The following MRAP2 variants were observed in gnomAD, a reference collection of about 807,000 sequenced individuals.
MRAP2 encodes the protein melanocortin-2 receptor accessory protein 2.
Under a neutral mutation model 17.4 loss-of-function variants are expected in MRAP2, and 20 were observed. The observed-to-expected ratio is 1.15, with a 90% CI of 0.81 to 1.67. MRAP2 has a LOEUF of 1.67. MRAP2 is among the 40% of genes most tolerant of loss of function. The pLI is 0.00. For missense variants in MRAP2, 238 were observed against 240.0 expected, an observed-to-expected ratio of 0.99 and a Z score of 0.05; for synonymous variants, 96 against 88.4, an observed-to-expected ratio of 1.09 and a Z score of -0.48.
the MRAP2 span, among the ~76,000 whole-genome samples, chr6:84,132,430 A>C: frequency 3.3e-5 from 5 of 152,128 alleles, no homozygotes; most frequent in Non-Finnish European, 4.4e-5. Context: ...TAATATCCTG[A>C]AGAGTGTTTT....
intron 1 of MRAP2, among the ~76,000 whole-genome samples, chr6:84,051,808 A>G (rs1440985502): frequency 6.6e-6 from 1 of 152,174 alleles, no homozygotes; most frequent in African/African-American, 2.4e-5. Context: ...GATAGTCCAA[A>G]GAAGGGATGA....
At chr6:84,085,990 G>C (rs1191752545) in intron 3 of MRAP2, among the ~76,000 whole-genome samples, 3 of 152,156 alleles carry the variant, frequency 2.0e-5, no homozygotes, top group Admixed American at 2.0e-4. Flanking sequence ...GAGCTCAAAG[G>C]GCTCAAGGTG....
chr6:84,131,305 G>A, the MRAP2 span, among the ~76,000 whole-genome samples: 1 of 151,856 alleles, frequency 6.6e-6, no homozygotes, highest in Non-Finnish European at 1.5e-5. Context: ...TAAGTGTGAT[G>A]TGCTGAGAAG....
the MRAP2 span, among the ~76,000 whole-genome samples, chr6:84,103,853 C>G: frequency 6.6e-6 from 1 of 152,182 alleles, no homozygotes; most frequent in East Asian, 1.9e-4. Context: ...CTTGGTCAGG[C>G]TCCTGCTGTG....
In MRAP2 at chr6:84,064,318, C is replaced by T. The variant is rs547776740; in HGVS notation, c.227+1326C>T. Among the ~76,000 whole-genome samples, 4 of 152,070 alleles carry T rather than the reference C, an allele frequency of 2.6e-5. No homozygotes were observed. In the South Asian group the frequency reaches 8.3e-4, roughly 32 times the overall value. ...TTAAGACCAAGACCTCAGTCTTCTC[C>T]CTCCTTCCCATTTCTCACCATTGCT... On this transcript the variant is annotated intron_variant, in intron 3 of 3. Transcript: ENST00000257776.
At chr6:84,046,780 CAAAAAAAAAAAAA>C (rs756963425) in intron 1 of MRAP2, among the ~76,000 whole-genome samples, 1 of 23,150 alleles carries the variant, frequency 4.3e-5, no homozygotes, top group Non-Finnish European at 8.8e-5. Context: ...AACTCCATCT[CAAAAAAAAAAAAA>C]AAAAAAAAAA....
the MRAP2 span, among the ~76,000 whole-genome samples, chr6:84,135,677 AC>A: frequency 6.6e-6 from 1 of 152,320 alleles, no homozygotes; most frequent in East Asian, 1.9e-4. Flanking sequence ...AGCCTGGCCG[AC>A]ATGGTGAAAC....
chr6:84,089,187 C>T lies in MRAP2; in HGVS notation c.324C>T (p.Gly108=), dbSNP rs2099501212. 6.2e-7 allele frequency: 1 copy of T among 1,614,186 alleles called. No homozygotes were observed. Among genetic ancestry groups the T allele is most frequent in the Non-Finnish European group, 8.5e-7 (1 of 1,180,034 alleles). Residue 108 remains glycine (G), a synonymous_variant, in exon 4 of 4, where the codon GGC becomes GGT. Transcript: ENST00000257776. The part of the protein sequence containing the change: ...LEPDKVFSRQ[G]NEESRSLFHC... ...CAGATAAAGTATTTTCTCGCCAAGG[C>T]AACGAGGAGTCCAGGTCTCTCTTTC... is the stretch of plus-strand genomic sequence containing the variant.
At chr6:84,042,670 C>T (rs1224723055) in intron 1 of MRAP2, among the ~76,000 whole-genome samples, 1 of 152,170 alleles carries the variant, frequency 6.6e-6, no homozygotes, top group Admixed American at 6.5e-5. Flanking sequence ...GATGAGGAGG[C>T]TATGGGGTGC....
the MRAP2 span, among the ~76,000 whole-genome samples, chr6:84,096,084 C>T: frequency 6.6e-6 from 1 of 152,190 alleles, no homozygotes; most frequent in African/African-American, 2.4e-5. Context: ...TCCACCTGTT[C>T]TCTATGGAGT....
chr6:84,037,063 G>A (rs994751098), intron 1 of MRAP2, among the ~76,000 whole-genome samples: 3 of 151,990 alleles, frequency 2.0e-5, no homozygotes, highest in African/African-American at 4.8e-5. Context: ...GCTGATTGGT[G>A]TATTTACAAT....
intron 1 of MRAP2, among the ~76,000 whole-genome samples, chr6:84,054,980 C>T (rs1435198153): frequency 1.3e-5 from 2 of 152,080 alleles, no homozygotes; most frequent in African/African-American, 4.8e-5. Flanking sequence ...GCTGTAAGCT[C>T]AGAGATTTTG....
At chr6:84,130,388 G>A in the MRAP2 span, among the ~76,000 whole-genome samples, 2 of 152,136 alleles carry the variant, frequency 1.3e-5, no homozygotes, top group Admixed American at 1.3e-4. Flanking sequence ...AGTTAGGGAG[G>A]AGTCCCTCTT....
chr6:84,135,403 A>T, the MRAP2 span, among the ~76,000 whole-genome samples: 5 of 152,218 alleles, frequency 3.3e-5, no homozygotes, highest in Admixed American at 6.5e-5. Context: ...TGCTGGCAGG[A>T]GGTGGCTCAG....
At chr6:84,056,382 C>T (rs559680044) in intron 2 of MRAP2, among the ~76,000 whole-genome samples, 9 of 152,312 alleles carry the variant, frequency 5.9e-5, no homozygotes, top group African/African-American at 2.2e-4. Flanking sequence ...CAACTTGGTG[C>T]TCTTTTGCAA....
At chr6:84,137,747 T>C in the MRAP2 span, among the ~76,000 whole-genome samples, 3 of 152,086 alleles carry the variant, frequency 2.0e-5, no homozygotes, top group Non-Finnish European at 4.4e-5. Flanking sequence ...AGTGGAACAA[T>C]AGATTGAAAA....
chr6:84,118,348 C>T, the MRAP2 span, among the ~76,000 whole-genome samples: 8 of 151,984 alleles, frequency 5.3e-5, no homozygotes, highest in African/African-American at 2.4e-5. Flanking sequence ...GGCTGAACAG[C>T]GCAGTCGTCC....
At chr6:84,098,026 G>C in the MRAP2 span, among the ~76,000 whole-genome samples, 2 of 152,104 alleles carry the variant, frequency 1.3e-5, no homozygotes, top group African/African-American at 2.4e-5. Context: ...TTTTGACACA[G>C]TATACAGTCA....
chr6:84,089,526 C>T lies in MRAP2; in HGVS notation c.*45C>T. The stretch of plus-strand genomic sequence containing the variant: ...GTCTTCCTGAAGATGTGGATTCTAT[C>T]TTTATGTAGCAAGAAATCTACATCC... On this transcript the variant is annotated 3_prime_UTR_variant, in exon 4 of 4. Transcript: ENST00000257776. 1.3e-6 allele frequency: 2 copies of T among 1,558,426 alleles called. No homozygotes were observed. Among genetic ancestry groups the T allele is most frequent in the Non-Finnish European group, 1.7e-6 (2 of 1,151,540 alleles).
Sources: gnomAD v4.1 joint callset for allele counts (sites outside exome capture counted in the v4.1 genomes callset) on GRCh38, gnomAD v4.1.1 for gene constraint, MANE v1.5 for transcripts, NCBI Gene and HGNC (gene_info 2026-07-23, HGNC 2026-07-21) for gene names.